Variants in INPP4B observed in about 807,000 individuals in gnomAD.
The protein encoded by INPP4B is inositol polyphosphate 4-phosphatase type II.
INPP4B carries 55 observed loss-of-function variants against 122.5 expected under a neutral mutation model. The observed-to-expected ratio is 0.45, with a 90% CI of 0.36 to 0.56. INPP4B has a LOEUF of 0.56. Ranked by LOEUF, INPP4B falls within the 20% of genes least tolerant of loss-of-function variation. The pLI, the probability that INPP4B is intolerant of heterozygous loss-of-function variation, is 0.00. For synonymous variants in INPP4B, 403 were observed against 388.7 expected, an observed-to-expected ratio of 1.04 and a Z score of -0.43; for missense variants, 1,000 against 1,097.7, an observed-to-expected ratio of 0.91 and a Z score of 1.26.
intron 2 of INPP4B, among the ~76,000 whole-genome samples, chr4:142,523,831 C>T (rs1249866937): frequency 1.5e-5 from 2 of 137,414 alleles, no homozygotes; most frequent in African/African-American, 2.7e-5. Context: ...CAACAGTCCC[C>T]AGAGTGTGAT....
chr4:142,615,808 T>G (rs1743570280), intron 2 of INPP4B, among the ~76,000 whole-genome samples: 1 of 152,062 alleles, frequency 6.6e-6, no homozygotes, highest in South Asian at 2.1e-4. Flanking sequence ...ATTTTTAGTT[T>G]ACAACTTGAC....
intron 1 of INPP4B, among the ~76,000 whole-genome samples, chr4:142,748,997 A>T (rs1307218818): frequency 2.6e-5 from 4 of 151,536 alleles, no homozygotes; most frequent in African/African-American, 9.7e-5. Context: ...AAAATTATCC[A>T]GGTGTGGTGA....
intron 2 of INPP4B, among the ~76,000 whole-genome samples, chr4:142,483,696 G>A (rs1820867188): frequency 6.6e-6 from 1 of 152,036 alleles, no homozygotes; most frequent in Non-Finnish European, 1.5e-5. Context: ...TAGATTTATT[G>A]AATTCAAAAA....
chr4:142,377,522 T>G (rs1792395313), intron 7 of INPP4B, among the ~76,000 whole-genome samples: 1 of 151,956 alleles, frequency 6.6e-6, no homozygotes, highest in African/African-American at 2.4e-5. Context: ...CGAAAGTGAA[T>G]CTGGAAGAAG....
chr4:142,035,241 G>T (rs1251920858), intron 25 of INPP4B, among the ~76,000 whole-genome samples: 1 of 152,154 alleles, frequency 6.6e-6, no homozygotes, highest in Non-Finnish European at 1.5e-5. Flanking sequence ...CTGCTTGAGA[G>T]ATTTGATTTG....
chr4:142,747,385 G>A lies in INPP4B; in HGVS notation c.-253-21484C>T, dbSNP rs186744889. 2.0e-5 allele frequency among the ~76,000 whole-genome samples: 3 copies of A among 152,246 alleles called. No individual in the cohort carries two copies. In the East Asian group the frequency reaches 5.8e-4, roughly 29 times the overall value. On this transcript the variant is annotated intron_variant, in intron 1 of 25. Transcript: ENST00000262992. ...GTCAGGAAACCACAGGTACTGGAGAGGATGTGGAAAAATAGGAATGCTTTT... is the reference window on the plus strand; with the variant it reads ...GTCAGGAAACCACAGGTACTGGAGAAGATGTGGAAAAATAGGAATGCTTTT...
chr4:142,069,978 CT>C (rs1766053504), intron 25 of INPP4B, among the ~76,000 whole-genome samples: 1 of 151,628 alleles, frequency 6.6e-6, no homozygotes, highest in African/African-American at 2.4e-5. Flanking sequence ...TCCTCCCTAA[CT>C]CATTTATGAG....
At chr4:142,576,609 AG>A (rs1273731869) in intron 2 of INPP4B, among the ~76,000 whole-genome samples, 1 of 152,004 alleles carries the variant, frequency 6.6e-6, no homozygotes, top group Non-Finnish European at 1.5e-5. Context: ...CATATCTCCA[AG>A]GGGGAAAAAA....
At chr4:142,553,525 A>G (rs752384992) in intron 2 of INPP4B, among the ~76,000 whole-genome samples, 10 of 152,198 alleles carry the variant, frequency 6.6e-5, no homozygotes, top group Non-Finnish European at 1.0e-4. Flanking sequence ...GTTGCCTGCT[A>G]GTCAACTCAT....
chr4:142,519,444 A>T (rs546954121), intron 2 of INPP4B, among the ~76,000 whole-genome samples: 1 of 152,304 alleles, frequency 6.6e-6, no homozygotes, highest in South Asian at 2.1e-4. Context: ...ATAAGCATTG[A>T]GTTAATGTCT....
intron 3 of INPP4B, among the ~76,000 whole-genome samples, chr4:142,456,326 G>A (rs1815414385): frequency 1.3e-5 from 2 of 151,942 alleles, no homozygotes; most frequent in South Asian, 2.1e-4. Context: ...TTTGTATATG[G>A]TGAGAGATAG....
intron 2 of INPP4B, among the ~76,000 whole-genome samples, chr4:142,627,900 T>G (rs1209804306): frequency 2.0e-5 from 3 of 150,962 alleles, no homozygotes; most frequent in Non-Finnish European, 4.4e-5. Flanking sequence ...TTTTGGTTGG[T>G]AAGCTATTGA....
At chr4:142,078,838 G>T (rs168059) in intron 25 of INPP4B, among the ~76,000 whole-genome samples, 80,680 of 151,868 alleles carry the variant, frequency 0.53, 24,849 homozygotes, top group Non-Finnish European at 0.68. Context: ...AGAGAAAATA[G>T]CCTGGAAGGT....
At chr4:142,181,838 C>T (rs970450640) in intron 15 of INPP4B, among the ~76,000 whole-genome samples, 2 of 152,102 alleles carry the variant, frequency 1.3e-5, no homozygotes, top group Non-Finnish European at 2.9e-5. Flanking sequence ...GACTACTAGG[C>T]AGAACGATTT....
intron 10 of INPP4B, among the ~76,000 whole-genome samples, chr4:142,267,278 TG>T (rs1579525262): frequency 6.6e-6 from 1 of 152,062 alleles, no homozygotes; most frequent in East Asian, 1.9e-4. Context: ...AGAACAAAAC[TG>T]GAGGAATCAT....
chr4:142,042,075 AC>A (rs1457999730), intron 25 of INPP4B, among the ~76,000 whole-genome samples: 1 of 151,932 alleles, frequency 6.6e-6, no homozygotes, highest in African/African-American at 2.4e-5. Flanking sequence ...AGCAAGTCAG[AC>A]CATTCAGCAA....
chr4:142,197,129 A>AAAAAT (rs1838637011), intron 14 of INPP4B, among the ~76,000 whole-genome samples: 1 of 149,088 alleles, frequency 6.7e-6, no homozygotes, highest in Admixed American at 6.6e-5. Context: ...TCCGTCTCAA[A>AAAAAT]AAAAAAAAAA....
chr4:142,414,322 A>T (rs1486564587), intron 5 of INPP4B, among the ~76,000 whole-genome samples: 1 of 152,166 alleles, frequency 6.6e-6, no homozygotes, highest in Non-Finnish European at 1.5e-5. Flanking sequence ...GGATGAGAAG[A>T]TAAAATTCAC....
At chr4:142,138,417 A>G (rs2152818075) in intron 18 of INPP4B, among the ~76,000 whole-genome samples, 1 of 148,450 alleles carries the variant, frequency 6.7e-6, no homozygotes, top group Non-Finnish European at 1.5e-5. Flanking sequence ...GGATAGCATT[A>G]GGAGATATAC....
Sources: allele counts gnomAD v4.1 joint callset (sites outside exome capture counted in the v4.1 genomes callset), GRCh38; gene constraint gnomAD v4.1.1; transcripts MANE v1.5; gene names NCBI Gene and HGNC (gene_info 2026-07-23, HGNC 2026-07-21).